MAGI1: variants seen among roughly 807,000 people sequenced by gnomAD.
MAGI1 encodes the protein membrane associated guanylate kinase, WW and PDZ domain containing 1.
Under a neutral mutation model 139.9 loss-of-function variants are expected in MAGI1, and 58 were observed. That is an observed-to-expected ratio of 0.41 (90% CI 0.34 to 0.52). The LOEUF (loss-of-function observed/expected upper bound fraction) is 0.52. Ranked by LOEUF, MAGI1 falls within the 20% of genes least tolerant of loss-of-function variation. The pLI, the probability that MAGI1 is intolerant of heterozygous loss-of-function variation, is 0.12. For missense variants in MAGI1, 1,874 were observed against 1,901.6 expected (o/e 0.99, Z 0.27); for synonymous variants, 812 against 737.9 (o/e 1.10, Z -1.63).
rs115161782 is a variant in MAGI1 at position 65,676,111 on chromosome 3, T to G, written c.314-54023A>C. On this transcript the variant is annotated intron_variant, in intron 1 of 22. Coordinates refer to ENST00000402939, the MANE Select transcript of MAGI1 (RefSeq NM_001033057.2). ...AAAGCACAAAGGCTATTTGTAGCAT[T>G]ATGTTTAACAGTAAATTTTGGAAAA... is the stretch of plus-strand genomic sequence containing the variant. Among the ~76,000 whole-genome samples the G allele has an allele frequency of 2.2e-3, 333 of 152,352 alleles. 1 individual carries two copies. Among genetic ancestry groups the G allele is most frequent in the African/African-American group, 7.8e-3 (324 of 41,588 alleles).
intron 1 of MAGI1, among the ~76,000 whole-genome samples, chr3:65,977,554 T>C (rs1278553603): frequency 6.6e-5 from 10 of 151,764 alleles, no homozygotes; most frequent in Admixed American, 6.6e-4. Context: ...CTACTAAAAA[T>C]ACAAAAATGA....
intron 2 of MAGI1, among the ~76,000 whole-genome samples, chr3:65,575,860 T>G (rs1163149111): frequency 1.3e-5 from 2 of 152,114 alleles, no homozygotes; most frequent in Admixed American, 1.3e-4. Context: ...TAAAACAAAC[T>G]TAGCACCAGA....
chr3:65,835,874 CCT>C (rs2042776068), intron 1 of MAGI1, among the ~76,000 whole-genome samples: 2 of 152,256 alleles, frequency 1.3e-5, no homozygotes, highest in South Asian at 4.1e-4. Context: ...GTTCAATCGC[CCT>C]GTTTCTCCCT....
rs1333270055 is a variant in MAGI1 at position 65,891,902 on chromosome 3, A to G, written c.313+146094T>C. Among the ~76,000 whole-genome samples, 82 of 56,004 alleles carry G rather than the reference A, an allele frequency of 1.5e-3. 1 individual carries two copies. The highest frequency in any genetic ancestry group is 3.4e-3 in the South Asian group (5 of 1,450). The allele number at this position is 56,004 out of a possible 152,430, so 36.7% of individuals were successfully genotyped here. ...TAAAGTATAATATATATATATATATATATATATATATATATATATATATAT... is the reference window on the plus strand; with the variant it reads ...TAAAGTATAATATATATATATATATGTATATATATATATATATATATATAT... On this transcript the variant is annotated intron_variant, in intron 1 of 22. Coordinates refer to ENST00000402939, the MANE Select transcript of MAGI1 (RefSeq NM_001033057.2).
intron 2 of MAGI1, among the ~76,000 whole-genome samples, chr3:65,534,611 G>A (rs1459119696): frequency 6.6e-6 from 1 of 152,174 alleles, no homozygotes; most frequent in Non-Finnish European, 1.5e-5. Context: ...TTCGCTGAGA[G>A]CTAACATGAC....
Position 65,816,100 on chromosome 3 carries a change from C to T in MAGI1, c.314-194012G>A, listed in dbSNP as rs114633008. On this transcript the variant is annotated intron_variant, in intron 1 of 22. Coordinates refer to ENST00000402939, the MANE Select transcript of MAGI1 (RefSeq NM_001033057.2). ...TTTTTCAAATAGTGGTGCCTGGGTC[C>T]GAGCCCCCTCCCCCTCCCAATTCTG... Among the ~76,000 whole-genome samples, 1,068 of 152,144 alleles carry T rather than the reference C, an allele frequency of 7.0e-3. 10 individuals are homozygous for T. Among genetic ancestry groups the T allele is most frequent in the African/African-American group, 0.024 (1,008 of 41,508 alleles).
chr3:65,979,234 C>T (rs1165418330), intron 1 of MAGI1, among the ~76,000 whole-genome samples: 1 of 152,052 alleles, frequency 6.6e-6, no homozygotes, highest in African/African-American at 2.4e-5. Context: ...ACAAGCCCTT[C>T]CTTCTACTCC....
intron 1 of MAGI1, among the ~76,000 whole-genome samples, chr3:65,962,462 A>G (rs72908950): frequency 0.019 from 2,897 of 152,114 alleles, 64 homozygotes; most frequent in African/African-American, 0.059. Context: ...TCCTCCAGGA[A>G]CTACACACAC....
rs1340967725 is a variant in MAGI1 at position 65,437,200 on chromosome 3, G to A, written c.1318C>T (p.His440Tyr). The A allele has an allele frequency of 1.2e-6, 2 of 1,612,294 alleles. No individual in the cohort carries two copies. Among genetic ancestry groups the A allele is most frequent in the Admixed American group, 1.7e-5 (1 of 59,952 alleles). ...GCTGGCTCTGGATTGCTTGGAGGGT[G>A]GTTTGGAATAACAGGAGGCACAAGG... The part of the protein sequence containing the change: ...SALVPPVIPN[H>Y]PPSNPEPARE... The change falls in exon 10 of 23, where the codon CAC (histidine) becomes TAC (tyrosine). Residue 440 changes from histidine to tyrosine, a missense_variant. This residue lies in a region of MAGI1 where 648 missense variants were observed against 598.1 expected (regional missense o/e 1.08). Transcript: ENST00000402939.
intron 1 of MAGI1, among the ~76,000 whole-genome samples, chr3:65,730,470 A>G (rs1043893289): frequency 6.6e-6 from 1 of 152,166 alleles, no homozygotes; most frequent in African/African-American, 2.4e-5. Context: ...TTTACTAAGG[A>G]AGGGAATCTC....
At chr3:65,432,485 T>G (rs530066051) in intron 10 of MAGI1, among the ~76,000 whole-genome samples, 3 of 152,214 alleles carry the variant, frequency 2.0e-5, no homozygotes, top group Non-Finnish European at 4.4e-5. Flanking sequence ...TTTAAAAGTT[T>G]CTGGCTCTTG....
intron 1 of MAGI1, among the ~76,000 whole-genome samples, chr3:65,849,501 AT>A (rs2059133520): frequency 9.7e-6 from 1 of 103,310 alleles, no homozygotes; most frequent in Admixed American, 1.1e-4. Flanking sequence ...AAATATACAT[AT>A]ATATATATCA....
intron 5 of MAGI1, among the ~76,000 whole-genome samples, chr3:65,456,051 G>A (rs7629268): frequency 0.99 from 151,487 of 152,324 alleles, 75,335 homozygotes; most frequent in Middle Eastern, 1. Context: ...CACGTGTGTC[G>A]TTGCCAAATG....
At position 65,493,543 on chromosome 3, in the gene MAGI1, A is replaced by G. The variant is rs1318429715; in HGVS notation, c.519T>C (p.Ser173=). 14 of 1,614,054 alleles carry G rather than the reference A, an allele frequency of 8.7e-6. No individual in the cohort carries two copies. The highest frequency in any genetic ancestry group is 3.3e-5 in the South Asian group (3 of 91,074). The stretch of plus-strand genomic sequence containing the variant: ...AGGTGCCGACTTCCAGAAGAGTCCC[A>G]CTCTGCTCGAGGTCCAAGAACTCCT... ...TVKEFLDLEQ[S]GTLLEVGTYE... Residue 173 remains serine, a synonymous_variant, in exon 3 of 23, where the codon AGT becomes AGC. Coordinates refer to ENST00000402939, the MANE Select transcript of MAGI1 (RefSeq NM_001033057.2).
At chr3:65,664,256 A>C (rs78975408) in intron 1 of MAGI1, among the ~76,000 whole-genome samples, 1,923 of 152,282 alleles carry the variant, frequency 0.013, 34 homozygotes, top group African/African-American at 0.043. Context: ...AGAAAAAATA[A>C]GCCACTTGCA....
At chr3:65,379,239 TA>T in intron 17 of MAGI1, 21 bp downstream of exon 17, 1 of 1,609,052 alleles carries the variant, frequency 6.2e-7, no homozygotes. Flanking sequence ...AAACCCTGGG[TA>T]ATTTCACGTT....
At chr3:65,504,211 A>T (rs2077190879) in intron 2 of MAGI1, among the ~76,000 whole-genome samples, 1 of 152,214 alleles carries the variant, frequency 6.6e-6, no homozygotes, top group South Asian at 2.1e-4. Flanking sequence ...TAAAACAAAA[A>T]GGGTAACTAC....
chr3:66,015,180 A>T (rs1269758718), intron 1 of MAGI1, among the ~76,000 whole-genome samples: 1 of 7,254 alleles, frequency 1.4e-4, no homozygotes, highest in Non-Finnish European at 3.4e-4. Flanking sequence ...CTGTCTCTAC[A>T]AAAAAAAAAA....
At chr3:65,453,487 G>C (rs1228548633) in intron 5 of MAGI1, 147 bp from the exon 6 acceptor site, 2 of 639,080 alleles carry the variant, frequency 3.1e-6, no homozygotes, top group African/African-American at 1.8e-5. Context: ...CCAGAAGAGA[G>C]CCTGAGTTTA....
Sources: allele counts gnomAD v4.1 joint callset (sites outside exome capture counted in the v4.1 genomes callset), GRCh38; gene constraint gnomAD v4.1.1; regional missense constraint gnomAD v4.1.1; transcripts MANE v1.5; gene names NCBI Gene and HGNC (gene_info 2026-07-23, HGNC 2026-07-21).